Variants in ZDHHC13 observed in about 807,000 individuals in gnomAD.
ZDHHC13 encodes the protein palmitoyltransferase ZDHHC13.
ZDHHC13 carries 85 observed loss-of-function variants against 86.0 expected under a neutral mutation model. The observed-to-expected ratio is 0.99, with a 90% confidence interval of 0.83 to 1.18. The LOEUF (loss-of-function observed/expected upper bound fraction) is 1.18, where lower values mean the gene tolerates loss of function less well. ZDHHC13 is among the 50% of genes most tolerant of loss of function. ZDHHC13 has a pLI of 0.00. For missense variants in ZDHHC13, 711 were observed against 730.2 expected, an observed-to-expected ratio of 0.97 and a Z score of 0.30; for synonymous variants, 263 against 246.4, an observed-to-expected ratio of 1.07 and a Z score of -0.63.
chr11:19,155,198 A>G (rs1849722703), intron 8 of ZDHHC13, among the ~76,000 whole-genome samples: 1 of 152,198 alleles, frequency 6.6e-6, no homozygotes, highest in Non-Finnish European at 1.5e-5. Flanking sequence ...ACTGTTTGCA[A>G]GAAGTAATTT....
intron 2 of ZDHHC13, 24 bp from the exon 3 acceptor site, chr11:19,146,157 A>G (rs371366498): frequency 2.3e-4 from 351 of 1,543,522 alleles, no homozygotes; most frequent in Non-Finnish European, 2.9e-4. Flanking sequence ...TGTATCAATT[A>G]TGCTTTTTTT....
chr11:19,174,549 G>A (rs559106980), intron 16 of ZDHHC13, among the ~76,000 whole-genome samples: 5 of 152,344 alleles, frequency 3.3e-5, no homozygotes, highest in African/African-American at 1.2e-4. Flanking sequence ...CATCCTCATG[G>A]ACAGGTGTGT....
intron 1 of ZDHHC13, among the ~76,000 whole-genome samples, chr11:19,125,432 C>G (rs1285141174): frequency 6.6e-6 from 1 of 152,122 alleles, no homozygotes; most frequent in East Asian, 1.9e-4. Flanking sequence ...TGAGATGCCC[C>G]TATACATCTA....
intron 14 of ZDHHC13, chr11:19,169,070 G>A (rs1267530331): frequency 1.0e-6 from 1 of 985,312 alleles, no homozygotes; most frequent in Non-Finnish European, 1.2e-6. Context: ...ACTTGCTGTT[G>A]TATCTTTGAT....
intron 1 of ZDHHC13, among the ~76,000 whole-genome samples, chr11:19,120,335 A>G (rs1448077842): frequency 6.6e-6 from 1 of 152,072 alleles, no homozygotes; most frequent in African/African-American, 2.4e-5. Context: ...GCCAGTATCT[A>G]TGAGTGTCTT....
At chr11:19,133,352 C>CAT (rs149739194) in intron 1 of ZDHHC13, among the ~76,000 whole-genome samples, 1,674 of 144,654 alleles carry the variant, frequency 0.012, 15 homozygotes, top group African/African-American at 0.023. Flanking sequence ...GAATTGTTTA[C>CAT]ATATATATAT....
intron 1 of ZDHHC13, among the ~76,000 whole-genome samples, chr11:19,136,993 A>G (rs1288441777): frequency 6.6e-6 from 1 of 152,178 alleles, no homozygotes; most frequent in Non-Finnish European, 1.5e-5. Flanking sequence ...CGAGACTAGG[A>G]AGAAACTGCA....
rs770289360 is a variant in ZDHHC13 at position 19,170,581 on chromosome 11, C to T, written c.1632+13C>T. 1.3e-6 allele frequency: 2 copies of T among 1,510,560 alleles called. No individual in the cohort carries two copies. Among genetic ancestry groups the T allele is most frequent in the African/African-American group, 2.9e-5 (2 of 70,134 alleles). 93.6% of individuals were successfully genotyped at this position (1,510,560 alleles called of 1,614,324 possible). A position where few individuals can be genotyped will look rare whatever the true frequency, so the allele number is the denominator to read the frequency against. ...TCAACTCTTTCAGGTATTTATTTCTCTTCTTATAATGGCTTTGAGTAAAAT... is the reference window on the plus strand; with the variant it reads ...TCAACTCTTTCAGGTATTTATTTCTTTTCTTATAATGGCTTTGAGTAAAAT... On this transcript the variant is annotated intron_variant, in intron 15 of 16. Transcript: ENST00000446113.
intron 4 of ZDHHC13, among the ~76,000 whole-genome samples, chr11:19,148,318 A>G (rs1337055976): frequency 6.6e-6 from 1 of 152,020 alleles, no homozygotes; most frequent in Non-Finnish European, 1.5e-5. Flanking sequence ...ATGTAAGTCA[A>G]GGAGTTGAAT....
At chr11:19,146,786 T>C (rs1849479021) in intron 3 of ZDHHC13, among the ~76,000 whole-genome samples, 1 of 152,188 alleles carries the variant, frequency 6.6e-6, no homozygotes, top group African/African-American at 2.4e-5. Context: ...TACCCATTGT[T>C]TCTTTTAAAC....
At chr11:19,121,753 T>C (rs1337526827) in intron 1 of ZDHHC13, among the ~76,000 whole-genome samples, 1 of 152,168 alleles carries the variant, frequency 6.6e-6, no homozygotes, top group Non-Finnish European at 1.5e-5. Context: ...ATAGTGACTA[T>C]TGTAATAGCT....
At chr11:19,140,475 A>C (rs1303734565) in intron 1 of ZDHHC13, among the ~76,000 whole-genome samples, 2 of 152,154 alleles carry the variant, frequency 1.3e-5, no homozygotes, top group Admixed American at 6.6e-5. Flanking sequence ...GTGGGACTGT[A>C]AACTAGTTCA....
intron 12 of ZDHHC13, chr11:19,164,606 T>A: frequency 1.9e-6 from 1 of 530,728 alleles, no homozygotes. Flanking sequence ...TTTTATTTGC[T>A]TTTCTCTGTC....
At chr11:19,153,935 C>T (rs1471873613) in intron 8 of ZDHHC13, among the ~76,000 whole-genome samples, 1 of 152,052 alleles carries the variant, frequency 6.6e-6, no homozygotes, top group East Asian at 1.9e-4. Flanking sequence ...AGTTTATGTC[C>T]AGAATCTGAC....
chr11:19,162,480 C>T (rs986047272), intron 10 of ZDHHC13, among the ~76,000 whole-genome samples: 2 of 151,962 alleles, frequency 1.3e-5, no homozygotes, highest in Non-Finnish European at 2.9e-5. Flanking sequence ...AGGTTTTAAT[C>T]GCAGTTAAGA....
intron 15 of ZDHHC13, among the ~76,000 whole-genome samples, chr11:19,171,858 C>T (rs916534312): frequency 3.3e-5 from 5 of 152,130 alleles, no homozygotes; most frequent in African/African-American, 9.7e-5. Context: ...CAATCCAGTT[C>T]TTCGGAAACG....
chr11:19,129,961 A>G (rs1848956577), intron 1 of ZDHHC13, among the ~76,000 whole-genome samples: 1 of 152,120 alleles, frequency 6.6e-6, no homozygotes, highest in African/African-American at 2.4e-5. Context: ...GGTGGCACGC[A>G]TCTGTAGTCC....
intron 10 of ZDHHC13, among the ~76,000 whole-genome samples, chr11:19,159,667 TA>T (rs1849856583): frequency 2.0e-5 from 3 of 151,970 alleles, no homozygotes; most frequent in Admixed American, 2.0e-4. Context: ...AGCCTGAGAT[TA>T]AAACAAAAAC....
rs1354972353 is a variant in ZDHHC13, at chr11:19,128,612, CTT to C, written c.27+11340_27+11341del. Among the ~76,000 whole-genome samples the C allele has an allele frequency of 2.0e-4, 31 of 152,216 alleles. No individual in the cohort carries two copies. The East Asian group carries it at 6.0e-3, about 29-fold the overall frequency. On this transcript the variant is annotated intron_variant, in intron 1 of 16. Transcript: ENST00000446113. ...ATTTAAGAAACTTTCATTCTTAAAA[CTT>C]TTTGGAACTCTTGGAGAATTGACTT...
Sources: gnomAD v4.1 joint callset for allele counts (sites outside exome capture counted in the v4.1 genomes callset) on GRCh38, gnomAD v4.1.1 for gene constraint, MANE v1.5 for transcripts, NCBI Gene and HGNC (gene_info 2026-07-23, HGNC 2026-07-21) for gene names.